COP1: variants seen among roughly 807,000 people sequenced by gnomAD.
The protein encoded by COP1 is E3 ubiquitin-protein ligase COP1.
COP1 carries 24 observed loss-of-function variants against 101.3 expected under a neutral mutation model. The ratio of observed to expected loss-of-function variants is 0.24; its 90% CI spans 0.17 to 0.33. COP1 has a LOEUF of 0.33. COP1 is among the 10% of genes least tolerant of loss of function. The pLI is 1.00. For missense variants in COP1, 663 were observed against 906.2 expected (o/e 0.73, Z 3.45); for synonymous variants, 347 against 341.9 (o/e 1.01, Z -0.17).
chr1:175,971,516 G>T (rs893929301), intron 18 of COP1, among the ~76,000 whole-genome samples: 3 of 151,628 alleles, frequency 2.0e-5, no homozygotes. Context: ...AAACATTGAG[G>T]TACTAGGAGG....
At chr1:176,039,240 T>C (rs1670103522) in intron 14 of COP1, among the ~76,000 whole-genome samples, 1 of 152,106 alleles carries the variant, frequency 6.6e-6, no homozygotes, top group South Asian at 2.1e-4. Context: ...TCAGGGGAAA[T>C]TTAAAATATT....
chr1:176,121,893 C>A (rs969205292), intron 8 of COP1, among the ~76,000 whole-genome samples: 2 of 152,018 alleles, frequency 1.3e-5, no homozygotes, highest in African/African-American at 2.4e-5. Flanking sequence ...GTAATCCCAG[C>A]ACTTTAGGAG....
chr1:176,146,365 C>G (rs1178391499), intron 6 of COP1, among the ~76,000 whole-genome samples: 1 of 152,132 alleles, frequency 6.6e-6, no homozygotes, highest in Admixed American at 6.6e-5. Context: ...AGTATTCAAA[C>G]CCTTGTGCAA....
In COP1 at chr1:176,206,721, C is replaced by A; in HGVS notation, c.258G>T (p.Leu86=). 1.9e-6 allele frequency: 3 copies of A among 1,590,108 alleles called. No homozygotes were observed. Among genetic ancestry groups the A allele is most frequent in the Non-Finnish European group, 2.6e-6 (3 of 1,174,368 alleles). The change falls in exon 1 of 20, where the codon CTG becomes CTT. Residue 86 remains leucine, a synonymous_variant. Coordinates refer to ENST00000367669, the MANE Select transcript of COP1 (RefSeq NM_022457.7). ...GCCTGGCCGCGCAGCTGTGCCGGGACAGGCCCGTGGACACCGCCCCGCCGC... is the reference window on the plus strand; with the variant it reads ...GCCTGGCCGCGCAGCTGTGCCGGGAAAGGCCCGTGGACACCGCCCCGCCGC... The part of the protein sequence containing the change: ...GSGGGAVSTG[L]SRHSCAARPS...
intron 1 of COP1, among the ~76,000 whole-genome samples, chr1:176,202,187 T>TC (rs1700331177): frequency 4.9e-5 from 1 of 20,416 alleles, no homozygotes; most frequent in Non-Finnish European, 1.9e-4. Context: ...CTAGTTCACT[T>TC]TTTTTTTTTT....
chr1:176,184,096 GA>G (rs774801665), intron 2 of COP1, among the ~76,000 whole-genome samples: 4 of 151,386 alleles, frequency 2.6e-5, no homozygotes, highest in African/African-American at 4.8e-5. Flanking sequence ...TAAAGAACCA[GA>G]AAAAAATATA....
chr1:176,204,996 A>T (rs985848903), intron 1 of COP1, among the ~76,000 whole-genome samples: 2 of 152,212 alleles, frequency 1.3e-5, no homozygotes, highest in Non-Finnish European at 2.9e-5. Context: ...CAGTGCACTG[A>T]ACTTCATATG....
intron 7 of COP1, among the ~76,000 whole-genome samples, chr1:176,135,475 T>C (rs1689654369): frequency 6.6e-6 from 1 of 152,088 alleles, no homozygotes; most frequent in Non-Finnish European, 1.5e-5. Context: ...AAGATAAATA[T>C]GACAGTAAGA....
intron 18 of COP1, chr1:175,968,547 G>A (rs1483890965): frequency 3.9e-6 from 2 of 512,872 alleles, no homozygotes. Context: ...CATTTCTGGT[G>A]TGCTTCATTA....
At chr1:176,168,127 G>T (rs1022144291) in intron 3 of COP1, among the ~76,000 whole-genome samples, 1 of 151,134 alleles carries the variant, frequency 6.6e-6, no homozygotes, top group Non-Finnish European at 1.5e-5. Context: ...GTGCGATCTC[G>T]GCTCACCGCA....
At chr1:176,185,420 G>A (rs781342514) in intron 1 of COP1, among the ~76,000 whole-genome samples, 5 of 151,880 alleles carry the variant, frequency 3.3e-5, no homozygotes, top group Non-Finnish European at 5.9e-5. Flanking sequence ...AATACCAATT[G>A]TAATCCTCTT....
chr1:175,976,645 A>C (rs1407968876), intron 18 of COP1, among the ~76,000 whole-genome samples: 1 of 152,156 alleles, frequency 6.6e-6, no homozygotes, highest in Non-Finnish European at 1.5e-5. Context: ...CTACTAGTAC[A>C]AACATTAAGG....
At chr1:176,048,114 G>T (rs920903938) in intron 11 of COP1, among the ~76,000 whole-genome samples, 16 of 151,088 alleles carry the variant, frequency 1.1e-4, no homozygotes, top group Non-Finnish European at 1.5e-4. Flanking sequence ...TTCCCTTAAA[G>T]ACACACATTG....
At chr1:176,206,294 T>C (rs1025745785) in intron 1 of COP1, 15 of 463,128 alleles carry the variant, frequency 3.2e-5, no homozygotes, top group Non-Finnish European at 5.3e-5. Flanking sequence ...CTTCCACCTC[T>C]TCCCTCGTCA....
chr1:176,156,453 T>C (rs1199391043), intron 5 of COP1, among the ~76,000 whole-genome samples: 1 of 151,856 alleles, frequency 6.6e-6, no homozygotes, highest in Non-Finnish European at 1.5e-5. Flanking sequence ...TCAATAATTA[T>C]ATTAAATAAA....
chr1:176,145,090 A>T (rs1691358141), intron 6 of COP1, among the ~76,000 whole-genome samples: 1 of 152,196 alleles, frequency 6.6e-6, no homozygotes, highest in Non-Finnish European at 1.5e-5. Flanking sequence ...AATTAGAGGG[A>T]AAGATATTTG....
intron 14 of COP1, among the ~76,000 whole-genome samples, chr1:176,042,350 A>G (rs1557985755): frequency 6.7e-6 from 1 of 148,862 alleles, no homozygotes; most frequent in Non-Finnish European, 1.5e-5. Context: ...AGATCACTTG[A>G]GGTCAGTTTG....
At chr1:176,102,773 G>A (rs566591841) in intron 9 of COP1, among the ~76,000 whole-genome samples, 1 of 152,304 alleles carries the variant, frequency 6.6e-6, no homozygotes, top group African/African-American at 2.4e-5. Flanking sequence ...ATCAGTGCTT[G>A]AGATATTTTG....
chr1:176,017,956 T>C (rs1665969421), intron 15 of COP1, among the ~76,000 whole-genome samples: 1 of 152,226 alleles, frequency 6.6e-6, no homozygotes, highest in African/African-American at 2.4e-5. Context: ...AAGCTAAGTA[T>C]CCGTTACACA....
Sources: gnomAD v4.1 joint callset for allele counts (sites outside exome capture counted in the v4.1 genomes callset) on GRCh38, gnomAD v4.1.1 for gene constraint, MANE v1.5 for transcripts, NCBI Gene and HGNC (gene_info 2026-07-23, HGNC 2026-07-21) for gene names.